The following MACROD2 variants were observed in gnomAD, a reference collection of about 807,000 sequenced individuals.
MACROD2 encodes the protein ADP-ribose glycohydrolase MACROD2.
MACROD2 carries 36 observed loss-of-function variants against 70.4 expected under a neutral mutation model. The ratio of observed to expected loss-of-function variants is 0.51; its 90% CI spans 0.39 to 0.68. The LOEUF (loss-of-function observed/expected upper bound fraction) is 0.68. MACROD2 is among the 30% of genes least tolerant of loss of function. The pLI is 0.00. For synonymous variants in MACROD2, 172 were observed against 178.8 expected, an observed-to-expected ratio of 0.96 and a Z score of 0.30; for missense variants, 496 against 538.4, an observed-to-expected ratio of 0.92 and a Z score of 0.78.
At chr20:15,218,514 A>C (rs2076830624) in intron 5 of MACROD2, among the ~76,000 whole-genome samples, 1 of 152,160 alleles carries the variant, frequency 6.6e-6, no homozygotes, top group East Asian at 1.9e-4. Flanking sequence ...TTCCCAAAGA[A>C]TATCTCTTGG....
At chr20:14,957,335 T>G (rs1358653096) in intron 5 of MACROD2, among the ~76,000 whole-genome samples, 1 of 152,174 alleles carries the variant, frequency 6.6e-6, no homozygotes, top group Non-Finnish European at 1.5e-5. Context: ...TATGTAATAC[T>G]GAAAAGGAGA....
chr20:15,711,811 T>C (rs1237796181), intron 8 of MACROD2, among the ~76,000 whole-genome samples: 1 of 152,202 alleles, frequency 6.6e-6, no homozygotes, highest in Non-Finnish European at 1.5e-5. Context: ...ATCATGAAGG[T>C]TCCCATTTTG....
intron 8 of MACROD2, among the ~76,000 whole-genome samples, chr20:15,724,524 C>T (rs2050833696): frequency 6.6e-6 from 1 of 151,894 alleles, no homozygotes; most frequent in African/African-American, 2.4e-5. Flanking sequence ...TGCTCCAGAA[C>T]CATTTGCTTA....
At chr20:15,065,608 C>T (rs1254236765) in intron 5 of MACROD2, among the ~76,000 whole-genome samples, 2 of 149,034 alleles carry the variant, frequency 1.3e-5, no homozygotes, top group South Asian at 4.2e-4. Flanking sequence ...GAGCCAAGAT[C>T]GCGCCACTGC....
At chr20:15,068,143 A>T (rs1315251824) in intron 5 of MACROD2, among the ~76,000 whole-genome samples, 1 of 152,218 alleles carries the variant, frequency 6.6e-6, no homozygotes, top group Non-Finnish European at 1.5e-5. Flanking sequence ...ATAAAAGATT[A>T]TAATTTTCTT....
At chr20:14,681,125 C>T (rs913568161) in intron 4 of MACROD2, among the ~76,000 whole-genome samples, 11 of 152,050 alleles carry the variant, frequency 7.2e-5, no homozygotes, top group Non-Finnish European at 1.3e-4. Context: ...AAAAGGCTGA[C>T]GACAACAAGG....
chr20:15,536,776 G>A (rs987662296), intron 8 of MACROD2, among the ~76,000 whole-genome samples: 43 of 152,136 alleles, frequency 2.8e-4, no homozygotes, highest in African/African-American at 8.4e-4. Context: ...TATTATGATC[G>A]TTTCCATCCT....
chr20:15,650,596 T>G (rs1387427786), intron 8 of MACROD2, among the ~76,000 whole-genome samples: 1 of 152,218 alleles, frequency 6.6e-6, no homozygotes, highest in African/African-American at 2.4e-5. Flanking sequence ...AATATACATT[T>G]AATTTTTTTT....
intron 4 of MACROD2, among the ~76,000 whole-genome samples, chr20:14,568,796 T>C (rs187192120): frequency 6.6e-6 from 1 of 152,122 alleles, no homozygotes; most frequent in Non-Finnish European, 1.5e-5. Context: ...ACATACATTT[T>C]TCTACGTGAG....
At chr20:14,084,404 A>G (rs2054049584) in intron 2 of MACROD2, among the ~76,000 whole-genome samples, 1 of 152,144 alleles carries the variant, frequency 6.6e-6, no homozygotes, top group South Asian at 2.1e-4. Context: ...ATCTCCTTGT[A>G]TGAAAGATTT....
At chr20:15,353,049 A>G (rs1164522972) in intron 6 of MACROD2, among the ~76,000 whole-genome samples, 1 of 152,148 alleles carries the variant, frequency 6.6e-6, no homozygotes, top group Non-Finnish European at 1.5e-5. Flanking sequence ...TGCCAAGTCA[A>G]TCCTGAGCCA....
chr20:15,245,016 T>C lies in MACROD2; in HGVS notation c.540+14955T>C, dbSNP rs554133244. 5.4e-4 allele frequency among the ~76,000 whole-genome samples: 83 copies of C among 152,340 alleles called. 2 individuals are homozygous for C. The South Asian group carries it at 0.013, about 24-fold the overall frequency. ...TATACCTGTGGCACTATCACCAAAA[T>C]ATAACATCATAGACTTGTCATAAAT... On this transcript the variant is annotated intron_variant, in intron 6 of 17. Coordinates refer to ENST00000684519, the MANE Select transcript of MACROD2 (RefSeq NM_001351661.2).
At position 13,995,609 on chromosome 20, in the gene MACROD2, T is replaced by C. The variant is rs569900062; in HGVS notation, c.-155T>C. On this transcript the variant is annotated 5_prime_UTR_variant, in exon 1 of 18. Transcript: ENST00000684519. The surrounding 1 kb of genome is among the most constrained non-coding windows in gnomAD (Gnocchi z 4.3). ...CGGGCTGAGGGAGGAGGGCGGCGAC[T>C]GGAGAGCGGCGAGCGGCGAGCAGCG... 5.3e-5 allele frequency: 40 copies of C among 753,992 alleles called. No homozygotes were observed. The South Asian group carries it at 5.8e-4, about 11-fold the overall frequency. The allele number at this position is 753,992 out of a possible 1,614,324, so 46.7% of individuals were successfully genotyped here.
chr20:14,836,295 G>C (rs2122253216), intron 5 of MACROD2, among the ~76,000 whole-genome samples: 1 of 152,144 alleles, frequency 6.6e-6, no homozygotes, highest in South Asian at 2.1e-4. Flanking sequence ...ATTTGATCTG[G>C]GAATAGTTTG....
intron 5 of MACROD2, among the ~76,000 whole-genome samples, chr20:14,942,730 C>T (rs553426912): frequency 1.3e-5 from 2 of 151,562 alleles, no homozygotes; most frequent in East Asian, 1.9e-4. Context: ...GGCATGACTT[C>T]GGACTGAATG....
At chr20:14,228,415 G>A (rs976122102) in intron 3 of MACROD2, among the ~76,000 whole-genome samples, 4 of 149,836 alleles carry the variant, frequency 2.7e-5, no homozygotes, top group African/African-American at 9.9e-5. Context: ...TCGGCTCACT[G>A]CAAGCTCCAT....
chr20:14,840,196 G>C (rs2073072799), intron 5 of MACROD2, among the ~76,000 whole-genome samples: 1 of 151,712 alleles, frequency 6.6e-6, no homozygotes, highest in African/African-American at 2.4e-5. Context: ...TGCCACCATG[G>C]CTGGCTAATT....
chr20:14,793,630 T>A (rs1482524007), intron 5 of MACROD2, among the ~76,000 whole-genome samples: 5 of 151,858 alleles, frequency 3.3e-5, no homozygotes, highest in African/African-American at 1.2e-4. Flanking sequence ...CCAACAGCAA[T>A]CCTAAGGATG....
In MACROD2 at chr20:14,490,130, C is replaced by T. The variant is rs572094606; in HGVS notation, c.272-3349C>T. Among the ~76,000 whole-genome samples, 6 of 152,180 alleles carry T rather than the reference C, an allele frequency of 3.9e-5. No homozygotes were observed. The South Asian group carries it at 1.2e-3, about 32-fold the overall frequency. ...AGGAAAGGGATTCCTATATTGTATT[C>T]ACTTTTTTTGGTTTTAATACTTTAA... is the stretch of plus-strand genomic sequence containing the variant. On this transcript the variant is annotated intron_variant, in intron 3 of 17. Coordinates refer to ENST00000684519, the MANE Select transcript of MACROD2 (RefSeq NM_001351661.2).
Sources: allele counts gnomAD v4.1 joint callset (sites outside exome capture counted in the v4.1 genomes callset), GRCh38; gene constraint gnomAD v4.1.1; non-coding constraint Gnocchi (gnomAD v3.1); transcripts MANE v1.5; gene names NCBI Gene and HGNC (gene_info 2026-07-23, HGNC 2026-07-21).